Variants in CHLSN observed in about 807,000 individuals in gnomAD.
CHLSN encodes the protein cholesin.
the CHLSN span, chr7:1,074,791 G>C: frequency 6.6e-6 from 1 of 152,622 alleles, no homozygotes; most frequent in South Asian, 2.1e-4. Context: ...CCCGCGCCTG[G>C]GATGTCATGC....
chr7:1,059,634 T>TC, the CHLSN span, among the ~76,000 whole-genome samples: 5 of 70,990 alleles, frequency 7.0e-5, no homozygotes, highest in Admixed American at 1.8e-4. Flanking sequence ...GTGGGGCGGG[T>TC]CTTAGTGAGG....
chr7:1,121,284 A>G, the CHLSN span, among the ~76,000 whole-genome samples: 2 of 151,398 alleles, frequency 1.3e-5, no homozygotes, highest in African/African-American at 4.8e-5. Context: ...AATAAAAACA[A>G]TGTGGTGGGG....
the CHLSN span, chr7:1,138,218 C>T: frequency 6.8e-6 from 1 of 146,726 alleles, no homozygotes; most frequent in African/African-American, 2.6e-5. Context: ...CGTCGCCCAC[C>T]TAAGCGTGAA....
the CHLSN span, chr7:1,023,147 G>A: frequency 3.5e-5 from 13 of 375,326 alleles, no homozygotes; most frequent in South Asian, 9.1e-5. The surrounding 1 kb of genome is among the most constrained non-coding windows in gnomAD (Gnocchi z 5.0). Context: ...CGTTTTAAAC[G>A]CGTGAGGTCT....
chr7:1,028,175 G>A, the CHLSN span: 4 of 943,012 alleles, frequency 4.2e-6, no homozygotes, highest in Non-Finnish European at 5.1e-6. Context: ...GCGCCCACCT[G>A]TCGCCGCGGG....
At chr7:1,096,152 G>A in the CHLSN span, among the ~76,000 whole-genome samples, 31 of 152,228 alleles carry the variant, frequency 2.0e-4, no homozygotes, top group Non-Finnish European at 3.7e-4. This position sits in a 1 kb window ranked among gnomAD's most constrained non-coding sequence, Gnocchi z 4.6. Context: ...TGTTGAGTGC[G>A]TGGAAGCGTC....
At chr7:987,132 C>T in the CHLSN span, 4 of 1,565,940 alleles carry the variant, frequency 2.6e-6, no homozygotes, top group East Asian at 2.3e-5. Context: ...GGCCTGTTTG[C>T]TGAGGCCAAC....
At chr7:1,129,383 C>T in the CHLSN span, among the ~76,000 whole-genome samples, 2 of 38,980 alleles carry the variant, frequency 5.1e-5, no homozygotes, top group African/African-American at 4.1e-4. Context: ...TCGGCTCATC[C>T]CACCGTCACC....
At chr7:1,039,621 A>T in the CHLSN span, among the ~76,000 whole-genome samples, 6 of 63,504 alleles carry the variant, frequency 9.4e-5, 1 homozygote. Flanking sequence ...GGCCGCCCCT[A>T]CTGGGAAGTG....
At chr7:1,059,704 G>T in the CHLSN span, among the ~76,000 whole-genome samples, 2 of 53,514 alleles carry the variant, frequency 3.7e-5, no homozygotes, top group Non-Finnish European at 8.4e-5. Context: ...GGTCTGTAGT[G>T]AGGTGGGTCT....
chr7:1,128,865 G>A, the CHLSN span, among the ~76,000 whole-genome samples: 1 of 3,546 alleles, frequency 2.8e-4, no homozygotes, highest in Non-Finnish European at 4.2e-4. Context: ...GCACGATCTC[G>A]GCTCATCCCA....
the CHLSN span, among the ~76,000 whole-genome samples, chr7:1,004,844 G>C: frequency 6.6e-6 from 1 of 152,334 alleles, no homozygotes; most frequent in East Asian, 1.9e-4. Context: ...CAGTCAGAGG[G>C]AAGTCCCTTG....
the CHLSN span, among the ~76,000 whole-genome samples, chr7:1,106,911 G>C: frequency 6.6e-6 from 1 of 152,224 alleles, no homozygotes; most frequent in Non-Finnish European, 1.5e-5. Context: ...AGGCCGGACA[G>C]AGGGATGTGG....
the CHLSN span, chr7:1,081,851 G>A: frequency 6.6e-6 from 1 of 152,280 alleles, no homozygotes; most frequent in South Asian, 2.1e-4. Flanking sequence ...CAGTAATAAG[G>A]AGAAAGCAGT....
the CHLSN span, chr7:1,091,635 G>A: frequency 1.1e-4 from 105 of 971,714 alleles, 1 homozygote; most frequent in South Asian, 1.6e-3. Flanking sequence ...TCACTTCAAG[G>A]AGAATCACGC....
the CHLSN span, chr7:1,058,053 A>C: frequency 1.2e-5 from 9 of 768,508 alleles, no homozygotes; most frequent in East Asian, 1.7e-4. Flanking sequence ...AGAGTGCGCC[A>C]AGATGCAGAA....
chr7:1,054,008 C>T, the CHLSN span, among the ~76,000 whole-genome samples: 1 of 152,186 alleles, frequency 6.6e-6, no homozygotes, highest in African/African-American at 2.4e-5. Flanking sequence ...CCAGGCGTGG[C>T]CGAGGAAGGG....
the CHLSN span, among the ~76,000 whole-genome samples, chr7:1,017,729 G>A: frequency 9.2e-5 from 14 of 151,776 alleles, no homozygotes; most frequent in African/African-American, 3.4e-4. Flanking sequence ...CGCGGACGGC[G>A]GGATAAGGGG....
the CHLSN span, among the ~76,000 whole-genome samples, chr7:1,033,432 C>T: frequency 2.0e-5 from 3 of 152,032 alleles, no homozygotes; most frequent in African/African-American, 7.3e-5. Context: ...GTGGGTTATG[C>T]CTGTAATCCC....
Sources: gnomAD v4.1 joint callset for allele counts (sites outside exome capture counted in the v4.1 genomes callset) on GRCh38, gnomAD v4.1.1 for gene constraint, Gnocchi (gnomAD v3.1) non-coding constraint, MANE v1.5 for transcripts, NCBI Gene and HGNC (gene_info 2026-07-23, HGNC 2026-07-21) for gene names.